Variants in SIPA1L2 observed in about 807,000 individuals in gnomAD.
SIPA1L2 encodes signal-induced proliferation-associated 1-like protein 2.
In SIPA1L2, 56 loss-of-function variants were observed where a neutral mutation model predicts 163.9. The observed-to-expected ratio is 0.34, with a 90% confidence interval of 0.28 to 0.43. The LOEUF (loss-of-function observed/expected upper bound fraction) is 0.43. Among genes scored for constraint, SIPA1L2 ranks in the 20% least tolerant of loss-of-function variants. The probability of loss-of-function intolerance (pLI) is 1.00; values close to 1 mark genes in which losing one functional copy is unlikely to be tolerated. For synonymous variants in SIPA1L2, 877 were observed against 865.7 expected, an observed-to-expected ratio of 1.01 and a Z score of -0.23; for missense variants, 1,974 against 2,193.5, an observed-to-expected ratio of 0.90 and a Z score of 2.00.
At chr1:232,593,772 C>T (rs778713037) in intron 1 of SIPA1L2, among the ~76,000 whole-genome samples, 8 of 152,154 alleles carry the variant, frequency 5.3e-5, no homozygotes, top group Non-Finnish European at 8.8e-5. Flanking sequence ...CCACTTAAAT[C>T]GTGTCAAATA....
rs748458188 is a variant in SIPA1L2, at chr1:232,515,379, T to A, written c.-40A>T. ...AGCCTCCAAGTCTCACCAGGAAGAC[T>A]GATGTAAATCTAATTACATTGCTAC... On this transcript the variant is annotated 5_prime_UTR_variant, in exon 3 of 23. Transcript: ENST00000674635. 6.5e-7 allele frequency: 1 copy of A among 1,528,402 alleles called. No individual in the cohort carries two copies. The highest frequency in any genetic ancestry group is 8.8e-7 in the Non-Finnish European group (1 of 1,140,756). The allele number at this position is 1,528,402 out of a possible 1,614,324, so 94.7% of individuals were successfully genotyped here.
At chr1:232,502,351 C>T (rs1163689416) in intron 3 of SIPA1L2, among the ~76,000 whole-genome samples, 1 of 152,142 alleles carries the variant, frequency 6.6e-6, no homozygotes, top group South Asian at 2.1e-4. Context: ...CCCAAAACTC[C>T]GGCACAGTTC....
intron 2 of SIPA1L2, among the ~76,000 whole-genome samples, chr1:232,528,560 A>G (rs1287732198): frequency 1.3e-5 from 2 of 152,206 alleles, no homozygotes; most frequent in African/African-American, 4.8e-5. Flanking sequence ...TCCTTCCTGT[A>G]ACGGGCAACT....
rs77970320 is a variant in SIPA1L2 at position 232,509,872 on chromosome 1, G to A, written c.1483+3985C>T. On this transcript the variant is annotated intron_variant, in intron 3 of 22. Coordinates refer to ENST00000674635, the MANE Select transcript of SIPA1L2 (RefSeq NM_020808.5). ...TCACAGCTGCGCTGGAGAGAGAACA[G>A]AGCAGCCGGGGCTCGGCCTTCTTCT... 3.3e-4 allele frequency among the ~76,000 whole-genome samples: 50 copies of A among 152,322 alleles called. No individual in the cohort carries two copies. In the East Asian group the frequency reaches 8.7e-3, roughly 26 times the overall value.
At chr1:232,441,716 A>G in intron 13 of SIPA1L2, 52 bp downstream of exon 13, 1 of 1,428,002 alleles carries the variant, frequency 7.0e-7, no homozygotes, top group Admixed American at 1.7e-5. Flanking sequence ...GAGGGGGCAG[A>G]GAGGGGGAAA....
At chr1:232,629,799 G>C (rs1246378594) in intron 1 of SIPA1L2, among the ~76,000 whole-genome samples, 70 bp downstream of exon 1, 1 of 151,910 alleles carries the variant, frequency 6.6e-6, no homozygotes, top group South Asian at 2.1e-4. Context: ...CTTCGGGACA[G>C]TCCCCGCCTG....
intron 17 of SIPA1L2, 140 bp from the exon 18 acceptor site, chr1:232,425,948 C>T (rs75786332): frequency 2.0e-5 from 15 of 732,090 alleles, no homozygotes; most frequent in Middle Eastern, 3.5e-4. Context: ...GAATGCCAAA[C>T]GCAGCATGCA....
At chr1:232,567,490 A>G (rs1392100706) in intron 2 of SIPA1L2, among the ~76,000 whole-genome samples, 2 of 152,324 alleles carry the variant, frequency 1.3e-5, no homozygotes, top group East Asian at 1.9e-4. Flanking sequence ...GTAAGAACAG[A>G]AATTGGAAAA....
intron 1 of SIPA1L2, among the ~76,000 whole-genome samples, chr1:232,629,061 A>G (rs1044292720): frequency 1.8e-4 from 28 of 152,198 alleles, no homozygotes; most frequent in African/African-American, 6.5e-4. Flanking sequence ...ATTTTTTCCA[A>G]TACTCAGGCC....
chr1:232,467,318 T>G (rs1310972475), intron 8 of SIPA1L2, among the ~76,000 whole-genome samples: 1 of 152,190 alleles, frequency 6.6e-6, no homozygotes, highest in African/African-American at 2.4e-5. Context: ...GGTATGTGTG[T>G]GTGGGAACTT....
intron 1 of SIPA1L2, among the ~76,000 whole-genome samples, chr1:232,575,335 G>A (rs748790595): frequency 3.3e-5 from 5 of 152,086 alleles, no homozygotes; most frequent in Non-Finnish European, 5.9e-5. Flanking sequence ...CATTAACAGC[G>A]TTCCTTTCAC....
intron 1 of SIPA1L2, among the ~76,000 whole-genome samples, chr1:232,599,679 G>T (rs1661489319): frequency 6.6e-6 from 1 of 152,108 alleles, no homozygotes; most frequent in Admixed American, 6.5e-5. Flanking sequence ...GACCAATCAT[G>T]CTTCCTACTC....
intron 19 of SIPA1L2, among the ~76,000 whole-genome samples, chr1:232,406,208 T>C (rs767540840): frequency 1.3e-5 from 2 of 152,156 alleles, no homozygotes; most frequent in East Asian, 1.9e-4. Flanking sequence ...ATTACTGAGA[T>C]AGAATCAAAT....
intron 18 of SIPA1L2, among the ~76,000 whole-genome samples, chr1:232,425,350 G>A (rs1661827002): frequency 6.6e-6 from 1 of 152,050 alleles, no homozygotes; most frequent in Admixed American, 6.5e-5. Flanking sequence ...GGACTTGACA[G>A]AAATATCTAA....
intron 2 of SIPA1L2, among the ~76,000 whole-genome samples, chr1:232,564,107 T>C (rs1422312550): frequency 2.5e-5 from 3 of 117,950 alleles, no homozygotes; most frequent in Non-Finnish European, 4.8e-5. Flanking sequence ...GGTTTCATCA[T>C]GTTGGCCAGA....
intron 9 of SIPA1L2, among the ~76,000 whole-genome samples, chr1:232,464,023 T>C (rs1451528117): frequency 2.0e-5 from 3 of 152,158 alleles, no homozygotes; most frequent in South Asian, 2.1e-4. Context: ...TCATGATCCA[T>C]AGTGAACTAA....
chr1:232,532,848 T>C lies in SIPA1L2; in HGVS notation c.-269-17240A>G, dbSNP rs569030032. On this transcript the variant is annotated intron_variant, in intron 2 of 22. Coordinates refer to ENST00000674635, the MANE Select transcript of SIPA1L2 (RefSeq NM_020808.5). Reference sequence around the variant, plus strand: ...AAAACACTGAGGTACAGCAGAGCAATGAGATGCCTACCTCTACTGCAGGAG... The same window carrying C: ...AAAACACTGAGGTACAGCAGAGCAACGAGATGCCTACCTCTACTGCAGGAG... Among the ~76,000 whole-genome samples, 118 of 152,222 alleles carry C rather than the reference T, an allele frequency of 7.8e-4. 1 individual carries two copies. The highest frequency in any genetic ancestry group is 2.7e-3 in the African/African-American group (113 of 41,534).
Position 232,409,132 on chromosome 1 carries a change from T to C in SIPA1L2, c.4763-4954A>G, listed in dbSNP as rs537175413. Among the ~76,000 whole-genome samples, 36 of 152,288 alleles carry C rather than the reference T, an allele frequency of 2.4e-4. 1 individual carries two copies. The South Asian group carries it at 7.3e-3, about 31-fold the overall frequency. On this transcript the variant is annotated intron_variant, in intron 19 of 22. Coordinates refer to ENST00000674635, the MANE Select transcript of SIPA1L2 (RefSeq NM_020808.5). ...TTAATTATTATTAAGTTATAATAGA[T>C]CTTTTGGTTGAATATCATTTACCTA...
intron 19 of SIPA1L2, among the ~76,000 whole-genome samples, chr1:232,412,076 G>C (rs1043820264): frequency 6.6e-6 from 1 of 152,168 alleles, no homozygotes; most frequent in African/African-American, 2.4e-5. Flanking sequence ...AAGTAGTCAT[G>C]ATTTGACAGC....
Sources: gnomAD v4.1 joint callset for allele counts (sites outside exome capture counted in the v4.1 genomes callset) on GRCh38, gnomAD v4.1.1 for gene constraint, MANE v1.5 for transcripts, NCBI Gene and HGNC (gene_info 2026-07-23, HGNC 2026-07-21) for gene names.